PDE8B: variants seen among roughly 807,000 people sequenced by gnomAD.
The protein encoded by PDE8B is phosphodiesterase 8B.
A neutral mutation model predicts 101.3 loss-of-function variants in PDE8B; 26 were observed. The observed-to-expected ratio is 0.26, with a 90% CI of 0.19 to 0.36. The LOEUF (loss-of-function observed/expected upper bound fraction) is 0.36, where lower values mean the gene tolerates loss of function less well. Ranked by LOEUF, PDE8B falls within the 10% of genes least tolerant of loss-of-function variation. The pLI, the probability that PDE8B is intolerant of heterozygous loss-of-function variation, is 1.00. For synonymous variants in PDE8B, 424 were observed against 429.3 expected (o/e 0.99, Z 0.15); for missense variants, 810 against 1,163.1 (o/e 0.70, Z 4.42).
chr5:77,100,580 G>T, the PDE8B span, among the ~76,000 whole-genome samples: 4 of 152,218 alleles, frequency 2.6e-5, no homozygotes, highest in African/African-American at 9.6e-5. Context: ...GGTGGGAGGG[G>T]ATATGGAAAA....
chr5:77,161,269 T>A, the PDE8B span, among the ~76,000 whole-genome samples: 1 of 152,202 alleles, frequency 6.6e-6, no homozygotes, highest in African/African-American at 2.4e-5. Context: ...TTCCTATTCT[T>A]GGATTTCATA....
At chr5:77,295,563 G>A (rs1457696114) in intron 1 of PDE8B, among the ~76,000 whole-genome samples, 1 of 152,076 alleles carries the variant, frequency 6.6e-6, no homozygotes, top group East Asian at 1.9e-4. Context: ...CTCCTTTTAA[G>A]AAGCCACACA....
rs779009654 is a variant in PDE8B, at chr5:77,310,738, C to G, written c.340-1256C>G. Among the ~76,000 whole-genome samples the G allele has an allele frequency of 5.5e-4, 83 of 152,086 alleles. 1 individual carries two copies. Among genetic ancestry groups the G allele is most frequent in the Non-Finnish European group, 1.1e-3 (74 of 68,022 alleles). On this transcript the variant is annotated intron_variant, in intron 1 of 21. Coordinates refer to ENST00000264917, the MANE Select transcript of PDE8B (RefSeq NM_003719.5). ...TCAGATGAGCAGTCATTAGAGGGCTCTTTGAGTTTTCTGCTGGCTGGTTTG... is the reference window on the plus strand; with the variant it reads ...TCAGATGAGCAGTCATTAGAGGGCTGTTTGAGTTTTCTGCTGGCTGGTTTG...
chr5:77,207,223 A>G (rs1029056928), upstream of PDE8B, among the ~76,000 whole-genome samples: 3 of 152,250 alleles, frequency 2.0e-5, no homozygotes, highest in East Asian at 1.9e-4. Context: ...GATAGCTGCT[A>G]TTGTTTTAAC....
intron 8 of PDE8B, 72 bp from the exon 9 acceptor site, chr5:77,350,993 T>C: frequency 5.6e-6 from 6 of 1,078,058 alleles, no homozygotes; most frequent in African/African-American, 1.5e-5. Context: ...CTTCTCAGCC[T>C]TCTGAGACCC....
the PDE8B span, among the ~76,000 whole-genome samples, chr5:77,120,393 T>G: frequency 1.3e-5 from 2 of 152,222 alleles, no homozygotes; most frequent in Non-Finnish European, 2.9e-5. Flanking sequence ...CAAGTGTTCA[T>G]TTTATTGAAT....
intron 1 of PDE8B, among the ~76,000 whole-genome samples, chr5:77,273,152 T>C (rs1763127135): frequency 1.3e-5 from 2 of 152,206 alleles, no homozygotes; most frequent in African/African-American, 4.8e-5. Flanking sequence ...TTAGTGTGTC[T>C]CTGTGCTGCA....
At chr5:77,419,173 C>A (rs879526936) in intron 18 of PDE8B, among the ~76,000 whole-genome samples, 2 of 152,190 alleles carry the variant, frequency 1.3e-5, no homozygotes, top group Non-Finnish European at 2.9e-5. Context: ...AGAAAAAATT[C>A]TTTCCAGTAG....
chr5:77,165,564 C>CAAA, the PDE8B span: 1 of 152,226 alleles, frequency 6.6e-6, no homozygotes, highest in African/African-American at 2.4e-5. Context: ...ACTGCAACAA[C>CAAA]AACAAAAACA....
At chr5:77,109,602 GGT>G in the PDE8B span, among the ~76,000 whole-genome samples, 2 of 152,226 alleles carry the variant, frequency 1.3e-5, no homozygotes, top group Non-Finnish European at 2.9e-5. Context: ...GGGAATTTTC[GGT>G]GTGCTCAGAC....
the PDE8B span, chr5:77,180,395 G>T: frequency 2.1e-6 from 2 of 975,320 alleles, no homozygotes; most frequent in Admixed American, 6.2e-5. Context: ...TCTGTGCGGG[G>T]CTAAGGCGCC....
the PDE8B span, among the ~76,000 whole-genome samples, chr5:77,179,626 G>C: frequency 6.6e-6 from 1 of 152,166 alleles, no homozygotes; most frequent in Non-Finnish European, 1.5e-5. Context: ...GGATTTGGGT[G>C]GGGGGCGGCT....
chr5:77,277,791 C>A (rs1156386824), intron 1 of PDE8B, among the ~76,000 whole-genome samples: 1 of 152,172 alleles, frequency 6.6e-6, no homozygotes, highest in East Asian at 1.9e-4. Context: ...CTAAAGACTT[C>A]CCAGTGAGCA....
chr5:77,281,323 T>C (rs1764949943), intron 1 of PDE8B, among the ~76,000 whole-genome samples: 1 of 152,244 alleles, frequency 6.6e-6, no homozygotes, highest in African/African-American at 2.4e-5. Context: ...TCCAATGTTT[T>C]AGTTTCCTCT....
At chr5:77,108,575 T>G in the PDE8B span, among the ~76,000 whole-genome samples, 1 of 152,118 alleles carries the variant, frequency 6.6e-6, no homozygotes, top group Non-Finnish European at 1.5e-5. Flanking sequence ...CCCAGCTATT[T>G]AGGAGGCCTA....
chr5:77,327,330 G>A (rs56349313), intron 3 of PDE8B, among the ~76,000 whole-genome samples: 3,983 of 152,192 alleles, frequency 0.026, 168 homozygotes, highest in African/African-American at 0.09. Flanking sequence ...TTACCATACC[G>A]GTTCCTTTGG....
At chr5:77,201,376 T>C in the PDE8B span, among the ~76,000 whole-genome samples, 1 of 152,232 alleles carries the variant, frequency 6.6e-6, no homozygotes, top group East Asian at 1.9e-4. Flanking sequence ...ATATTGAACA[T>C]GTACCATTTC....
At chr5:77,329,406 G>T (rs909971822) in intron 4 of PDE8B, among the ~76,000 whole-genome samples, 3 of 152,160 alleles carry the variant, frequency 2.0e-5, no homozygotes, top group African/African-American at 7.2e-5. Context: ...GAAAAGAGAT[G>T]GGGATATGCT....
intron 1 of PDE8B, among the ~76,000 whole-genome samples, chr5:77,218,491 CCTGTGG>C (rs1272031333): frequency 6.6e-6 from 1 of 152,200 alleles, no homozygotes; most frequent in East Asian, 1.9e-4. Context: ...CACACTCAGG[CCTGTGG>C]CCACACAGCC....
Sources: gnomAD v4.1 joint callset for allele counts (sites outside exome capture counted in the v4.1 genomes callset) on GRCh38, gnomAD v4.1.1 for gene constraint, MANE v1.5 for transcripts, NCBI Gene and HGNC (gene_info 2026-07-23, HGNC 2026-07-21) for gene names.